ELAC1: variants seen among roughly 807,000 people sequenced by gnomAD.
ELAC1 encodes elaC ribonuclease Z 1, also known as zinc phosphodiesterase ELAC protein 1.
Under a neutral mutation model 25.8 loss-of-function variants are expected in ELAC1, and 19 were observed. That is an observed-to-expected ratio of 0.74 (90% CI 0.51 to 1.08). The LOEUF (loss-of-function observed/expected upper bound fraction) is 1.08, where lower values mean the gene tolerates loss of function less well. Among genes scored for constraint, ELAC1 ranks in the 50% least tolerant of loss-of-function variants. ELAC1 has a pLI of 0.00. For missense variants in ELAC1, 403 were observed against 434.6 expected (o/e 0.93, Z 0.65); for synonymous variants, 148 against 160.9 (o/e 0.92, Z 0.61).
At chr18:50,977,764 G>A (rs1288497151) in intron 2 of ELAC1, among the ~76,000 whole-genome samples, 4 of 152,192 alleles carry the variant, frequency 2.6e-5, no homozygotes, top group African/African-American at 9.7e-5. Flanking sequence ...CAAATTTTCT[G>A]AACTTTTATG....
At position 50,979,735 on chromosome 18, in the gene ELAC1, GT is replaced by G. The variant is rs536014828; in HGVS notation, c.158-4352del. Among the ~76,000 whole-genome samples the G allele has an allele frequency of 9.3e-3, 1,405 of 150,494 alleles. 30 individuals carry two copies. The highest frequency in any genetic ancestry group is 0.033 in the African/African-American group (1,345 of 41,052). On this transcript the variant is annotated intron_variant, in intron 2 of 3. Transcript: ENST00000269466. ...CTTTATATATGATTTTCTGTTTTTT[GT>G]TTTTTTTTGAGACAGAGTCTTGCTC...
Position 50,986,878 on chromosome 18 carries a change from G to C in ELAC1, c.885G>C (p.Gln295His). 6.2e-7 allele frequency: 1 copy of C among 1,614,042 alleles called. No individual in the cohort carries two copies. The highest frequency in any genetic ancestry group is 2.2e-5 in the East Asian group (1 of 44,882). Residue 295 changes from glutamine (Q) to histidine (H), a missense_variant, in exon 4 of 4, where the codon CAG (glutamine) becomes CAC (histidine). Coordinates refer to ENST00000269466, the MANE Select transcript of ELAC1 (RefSeq NM_018696.3). ...KAKEHGHSTPQMAATFAKLCR... is the reference protein window; with the variant it reads ...KAKEHGHSTPHMAATFAKLCR... ...AGGAGCATGGCCACAGCACACCACA[G>C]ATGGCAGCAACATTTGCAAAGTTGT...
In ELAC1 at chr18:50,984,229, A is replaced by G; in HGVS notation, c.291A>G (p.Val97=). The stretch of plus-strand genomic sequence containing the variant: ...AGCCTATTGAAATCTATGGCCCTGT[A>G]GGGCTTCGGGACTTTATCTGGCGAA... ...SKQPIEIYGP[V]GLRDFIWRTM... The change falls in exon 3 of 4, where the codon GTA becomes GTG. Residue 97 remains valine (V), a synonymous_variant. Coordinates refer to ENST00000269466, the MANE Select transcript of ELAC1 (RefSeq NM_018696.3). 2 of 1,614,144 alleles carry G rather than the reference A, an allele frequency of 1.2e-6. No homozygotes were observed. Among genetic ancestry groups the G allele is most frequent in the Non-Finnish European group, 1.7e-6 (2 of 1,180,016 alleles).
intron 2 of ELAC1, among the ~76,000 whole-genome samples, chr18:50,983,465 C>T (rs1908014073): frequency 1.3e-5 from 2 of 151,992 alleles, no homozygotes; most frequent in South Asian, 4.2e-4. Flanking sequence ...CGTGCCTGGC[C>T]TACTTGTTTT....
At chr18:50,970,150 T>G (rs894728933) in intron 1 of ELAC1, among the ~76,000 whole-genome samples, 1 of 152,182 alleles carries the variant, frequency 6.6e-6, no homozygotes, top group African/African-American at 2.4e-5. Context: ...AGACAGAGTC[T>G]TGCCATGTTC....
Position 50,978,880 on chromosome 18 carries a change from CATATGGT to C in ELAC1, c.157+4321_157+4327del, listed in dbSNP as rs533607267. On this transcript the variant is annotated intron_variant, in intron 2 of 3. Transcript: ENST00000269466. ...AGGAGCTAATGCATATTGTTTGGGA[CATATGGT>C]AGGTACAATTGAACCGTAGTTATAT... Among the ~76,000 whole-genome samples the C allele has an allele frequency of 3.2e-3, 488 of 152,276 alleles. 7 individuals are homozygous for C. Among genetic ancestry groups the C allele is most frequent in the Non-Finnish European group, 1.5e-3 (101 of 68,006 alleles).
chr18:50,972,752 G>A (rs1907700187), intron 1 of ELAC1, among the ~76,000 whole-genome samples: 2 of 152,246 alleles, frequency 1.3e-5, no homozygotes, highest in South Asian at 4.1e-4. Flanking sequence ...CAAAGTGCTG[G>A]GATAACAGGC....
intron 1 of ELAC1, among the ~76,000 whole-genome samples, chr18:50,971,453 TCA>T (rs1907650553): frequency 6.6e-6 from 1 of 152,174 alleles, no homozygotes; most frequent in African/African-American, 2.4e-5. Context: ...AGCAGTGAAA[TCA>T]CAGCTCACTG....
intron 2 of ELAC1, among the ~76,000 whole-genome samples, chr18:50,980,681 T>C (rs1907920851): frequency 6.7e-6 from 1 of 150,298 alleles, no homozygotes; most frequent in South Asian, 2.1e-4. Context: ...GAGAATCGCT[T>C]GAACCCAGGA....
intron 3 of ELAC1, among the ~76,000 whole-genome samples, chr18:50,985,182 GT>G (rs1669208367): frequency 6.6e-6 from 1 of 152,158 alleles, no homozygotes; most frequent in South Asian, 2.1e-4. Flanking sequence ...AGTGGTGGTG[GT>G]TTTAGGTCCA....
chr18:50,980,642 A>T (rs1907919846), intron 2 of ELAC1, among the ~76,000 whole-genome samples: 1 of 151,520 alleles, frequency 6.6e-6, no homozygotes, highest in South Asian at 2.1e-4. Context: ...GGGTGCCTGT[A>T]AACCCAGCTA....
At chr18:50,975,131 C>G (rs1398000217) in intron 2 of ELAC1, among the ~76,000 whole-genome samples, 1 of 152,284 alleles carries the variant, frequency 6.6e-6, no homozygotes, top group East Asian at 1.9e-4. Flanking sequence ...AGCTCAGAGT[C>G]AGGCAGACCT....
At chr18:50,983,807 T>TCA (rs1333456243) in intron 2 of ELAC1, among the ~76,000 whole-genome samples, 1 of 150,764 alleles carries the variant, frequency 6.6e-6, no homozygotes, top group African/African-American at 2.4e-5. Flanking sequence ...TGAGCTATGA[T>TCA]CACACCACTG....
At chr18:50,983,546 A>G (rs190213712) in intron 2 of ELAC1, among the ~76,000 whole-genome samples, 84 of 152,220 alleles carry the variant, frequency 5.5e-4, no homozygotes, top group African/African-American at 2.0e-3. Flanking sequence ...ATGTCTTATG[A>G]AAAATGTTAT....
chr18:50,987,045 CAGA>C lies in ELAC1; in HGVS notation c.1056_1058del (p.Glu352del). On this transcript the variant is annotated inframe_deletion, in exon 4 of 4. Coordinates refer to ENST00000269466, the MANE Select transcript of ELAC1 (RefSeq NM_018696.3). ...TTAGATCTCCAAGAAGTGACTCTAG[CAGA>C]AGATTTTATGGTGATAAGCATTCCA... The C allele has an allele frequency of 2.5e-6, 4 of 1,582,362 alleles. No individual in the cohort carries two copies. The highest frequency in any genetic ancestry group is 2.6e-6 in the Non-Finnish European group (3 of 1,165,586).
At chr18:50,971,135 C>T (rs575121050) in intron 1 of ELAC1, among the ~76,000 whole-genome samples, 11 of 152,268 alleles carry the variant, frequency 7.2e-5, no homozygotes, top group African/African-American at 2.4e-4. Context: ...ACACAATACA[C>T]GTCATTTTAC....
Position 50,986,834 on chromosome 18 carries a change from G to A in ELAC1, c.841G>A (p.Ala281Thr), listed in dbSNP as rs779971080. ...GATCCACGAAGCAACCCTGGATGAT[G>A]CCCAGATGGACAAAGCAAAGGAGCA... is the stretch of plus-strand genomic sequence containing the variant. ...LLIHEATLDDAQMDKAKEHGH... is the reference protein window; with the variant it reads ...LLIHEATLDDTQMDKAKEHGH... Residue 281 changes from alanine (A) to threonine (T), a missense_variant, in exon 4 of 4, where the codon GCC becomes ACC. Physicochemically the swap from Ala to Thr is moderately conservative, Grantham distance 58 (BLOSUM62 0). Transcript: ENST00000269466. The A allele has an allele frequency of 3.1e-6, 5 of 1,614,066 alleles. No individual in the cohort carries two copies. The highest frequency in any genetic ancestry group is 4.2e-6 in the Non-Finnish European group (5 of 1,180,042).
At chr18:50,986,133 C>T (rs1462477254) in intron 3 of ELAC1, among the ~76,000 whole-genome samples, 1 of 148,976 alleles carries the variant, frequency 6.7e-6, no homozygotes, top group Non-Finnish European at 1.5e-5. Flanking sequence ...AATTCTTGTG[C>T]CTTGGCCTCC....
chr18:50,971,575 T>A (rs1279518314), intron 1 of ELAC1, among the ~76,000 whole-genome samples: 4 of 151,986 alleles, frequency 2.6e-5, no homozygotes, highest in Non-Finnish European at 5.9e-5. Flanking sequence ...TTAATTTTTT[T>A]GTAGAGACAG....
Sources: allele counts gnomAD v4.1 joint callset (sites outside exome capture counted in the v4.1 genomes callset), GRCh38; gene constraint gnomAD v4.1.1; transcripts MANE v1.5; gene names NCBI Gene and HGNC (gene_info 2026-07-23, HGNC 2026-07-21).